Variants in AHI1 observed in about 807,000 individuals in gnomAD.
AHI1 encodes the protein jouberin.
Under a neutral mutation model 149.3 loss-of-function variants are expected in AHI1, and 123 were observed. The observed-to-expected ratio is 0.82, with a 90% CI of 0.71 to 0.96. The LOEUF (loss-of-function observed/expected upper bound fraction) is 0.96. Ranked by LOEUF, AHI1 falls within the 40% of genes least tolerant of loss-of-function variation. The pLI is 0.00. For synonymous variants in AHI1, 475 were observed against 459.8 expected (o/e 1.03, Z -0.42); for missense variants, 1,439 against 1,422.7 (o/e 1.01, Z -0.18).
chr6:135,396,058 T>C (rs186458770), intron 22 of AHI1, among the ~76,000 whole-genome samples: 1 of 151,934 alleles, frequency 6.6e-6, no homozygotes, highest in Non-Finnish European at 1.5e-5. Context: ...TATCTTAGTT[T>C]AGGTTTTTCT....
At chr6:135,482,201 G>A (rs948075149) in intron 5 of AHI1, among the ~76,000 whole-genome samples, 1 of 151,962 alleles carries the variant, frequency 6.6e-6, no homozygotes, top group Non-Finnish European at 1.5e-5. Context: ...GCCTAATATT[G>A]TCCTATAGGT....
rs79380488 is a variant in AHI1 at position 135,322,868 on chromosome 6, T to C, written c.3328+294A>G. ...AGAGAAGAACTGACAGAACTGTGCATGAGGCAGGTGGCAGGGTCAAATGAG... is the reference window on the plus strand; with the variant it reads ...AGAGAAGAACTGACAGAACTGTGCACGAGGCAGGTGGCAGGGTCAAATGAG... On this transcript the variant is annotated intron_variant, in intron 25 of 28. Coordinates refer to ENST00000265602, the MANE Select transcript of AHI1 (RefSeq NM_001134831.2). Among the ~76,000 whole-genome samples the C allele has an allele frequency of 0.038, 5,788 of 152,266 alleles. 390 individuals carry two copies. The highest frequency in any genetic ancestry group is 0.13 in the African/African-American group (5,398 of 41,524).
chr6:135,355,717 G>T (rs578091239), intron 24 of AHI1, among the ~76,000 whole-genome samples: 1 of 152,184 alleles, frequency 6.6e-6, no homozygotes, highest in East Asian at 1.9e-4. Flanking sequence ...TGACCTACAC[G>T]GTGAAACCCC....
In AHI1 at chr6:135,421,351, C is replaced by T. The variant is rs568704272; in HGVS notation, c.2764+5816G>A. Among the ~76,000 whole-genome samples, 156 of 152,132 alleles carry T rather than the reference C, an allele frequency of 1.0e-3. 1 individual carries two copies. The highest frequency in any genetic ancestry group is 2.3e-3 in the South Asian group (11 of 4,814). On this transcript the variant is annotated intron_variant, in intron 20 of 28. Coordinates refer to ENST00000265602, the MANE Select transcript of AHI1 (RefSeq NM_001134831.2). ...CCACAAACCTTCAATTTGTAGAAAACGCAATATCTATGAAGCACAATAAAG... is the reference window on the plus strand; with the variant it reads ...CCACAAACCTTCAATTTGTAGAAAATGCAATATCTATGAAGCACAATAAAG...
chr6:135,411,166 A>C (rs1427839900), intron 21 of AHI1, among the ~76,000 whole-genome samples, 182 bp downstream of exon 21: 1 of 152,214 alleles, frequency 6.6e-6, no homozygotes, highest in Non-Finnish European at 1.5e-5. Flanking sequence ...AGATTATCCT[A>C]AATTCAGGTT....
chr6:135,330,380 A>G (rs1206107116), intron 24 of AHI1, among the ~76,000 whole-genome samples: 2 of 152,252 alleles, frequency 1.3e-5, no homozygotes, highest in Non-Finnish European at 2.9e-5. Flanking sequence ...GCCTCCAGTA[A>G]AAAGATGACT....
At chr6:135,286,196 C>G (rs1467310535) in intron 28 of AHI1, among the ~76,000 whole-genome samples, 3 of 152,166 alleles carry the variant, frequency 2.0e-5, no homozygotes, top group Non-Finnish European at 4.4e-5. Flanking sequence ...TAGTAACAAT[C>G]AAGCATCCAG....
rs769955590 is a variant in AHI1, at chr6:135,492,231, T to TA, written c.6dup (p.Thr3TyrfsTer3). ...ATAAATTTCATAGAAGTCTTACCTG[T>TA]AGGCATCTCTCAGCTTTATGCAGAG... is the stretch of plus-strand genomic sequence containing the variant. On this transcript the variant is annotated frameshift_variant, in exon 4 of 29. Transcript: ENST00000265602. LOFTEE classifies it high-confidence loss of function. The TA allele has an allele frequency of 2.6e-6, 4 of 1,535,016 alleles. No individual in the cohort carries two copies. In the South Asian group the frequency reaches 5.0e-5, roughly 19 times the overall value.
intron 23 of AHI1, among the ~76,000 whole-genome samples, chr6:135,371,129 T>C (rs940487544): frequency 1.3e-5 from 2 of 152,216 alleles, no homozygotes; most frequent in African/African-American, 4.8e-5. Flanking sequence ...TAAGTGTGAA[T>C]TTATGAAACA....
chr6:135,347,752 T>C (rs1285700521), intron 24 of AHI1, among the ~76,000 whole-genome samples: 1 of 152,198 alleles, frequency 6.6e-6, no homozygotes, highest in Non-Finnish European at 1.5e-5. Flanking sequence ...ATAAATGTGA[T>C]CATATTTTCT....
At chr6:135,377,419 A>G (rs1171544963) in intron 23 of AHI1, among the ~76,000 whole-genome samples, 1 of 152,180 alleles carries the variant, frequency 6.6e-6, no homozygotes, top group Non-Finnish European at 1.5e-5. Context: ...ACAGTTTTGA[A>G]CACTGTAAAA....
chr6:135,492,668 G>T, intron 3 of AHI1: 1 of 985,372 alleles, frequency 1.0e-6, no homozygotes, highest in Non-Finnish European at 1.2e-6. Flanking sequence ...ACTTTCCTAA[G>T]AGCATTCAAT....
chr6:135,290,600 C>A, intron 27 of AHI1, 75 bp from the exon 28 acceptor site: 1 of 1,511,054 alleles, frequency 6.6e-7, no homozygotes, highest in South Asian at 1.1e-5. Flanking sequence ...AGGCTTTGAT[C>A]TAGGGCCGTG....
chr6:135,492,093 C>G, intron 4 of AHI1, 135 bp downstream of exon 4: 1 of 553,248 alleles, frequency 1.8e-6, no homozygotes, highest in South Asian at 5.4e-5. Context: ...CAATAAGTAT[C>G]TCTAAATGTA....
At chr6:135,474,814 T>C (rs1792332963) in intron 5 of AHI1, among the ~76,000 whole-genome samples, 1 of 152,202 alleles carries the variant, frequency 6.6e-6, no homozygotes, top group Non-Finnish European at 1.5e-5. Flanking sequence ...AGATTGATTT[T>C]CTAATATTTT....
chr6:135,314,962 T>A (rs1224687148), intron 26 of AHI1, among the ~76,000 whole-genome samples: 1 of 152,224 alleles, frequency 6.6e-6, no homozygotes, highest in Non-Finnish European at 1.5e-5. Context: ...CTTGCCTACG[T>A]CCTATTTCAC....
At chr6:135,446,172 C>T (rs1787180934) in intron 13 of AHI1, among the ~76,000 whole-genome samples, 2 of 152,270 alleles carry the variant, frequency 1.3e-5, no homozygotes, top group African/African-American at 4.8e-5. Flanking sequence ...ACACCCCCAC[C>T]CCTTGTCACC....
intron 26 of AHI1, among the ~76,000 whole-genome samples, chr6:135,311,697 G>A (rs2128366730): frequency 6.6e-6 from 1 of 152,252 alleles, no homozygotes. Context: ...ATAGAACAAA[G>A]TTTGTCAGCA....
At position 135,432,197 on chromosome 6, in the gene AHI1, T is replaced by A. The variant is rs149109370; in HGVS notation, c.2266+830A>T. On this transcript the variant is annotated intron_variant, in intron 16 of 28. Transcript: ENST00000265602. The stretch of plus-strand genomic sequence containing the variant: ...TGAACTGAGTAAATCAGCAGTATTA[T>A]CCTTTTGATCTGGATCCCATACCAA... Among the ~76,000 whole-genome samples, 712 of 152,284 alleles carry A rather than the reference T, an allele frequency of 4.7e-3. 11 individuals are homozygous for A. The highest frequency in any genetic ancestry group is 0.016 in the African/African-American group (647 of 41,564).
Sources: gnomAD v4.1 joint callset for allele counts (sites outside exome capture counted in the v4.1 genomes callset) on GRCh38, gnomAD v4.1.1 for gene constraint, MANE v1.5 for transcripts, NCBI Gene and HGNC (gene_info 2026-07-23, HGNC 2026-07-21) for gene names.